Variants in NKAIN2 observed in about 807,000 individuals in gnomAD.
NKAIN2 encodes sodium/potassium-transporting ATPase subunit beta-1-interacting protein 2.
A neutral mutation model predicts 32.6 loss-of-function variants in NKAIN2; 14 were observed. That is an observed-to-expected ratio of 0.43 (90% CI 0.28 to 0.67). The LOEUF (loss-of-function observed/expected upper bound fraction) is 0.67, where lower values mean the gene tolerates loss of function less well. NKAIN2 is among the 30% of genes least tolerant of loss of function. The pLI, the probability that NKAIN2 is intolerant of heterozygous loss-of-function variation, is 0.17. For missense variants in NKAIN2, 198 were observed against 258.3 expected, an observed-to-expected ratio of 0.77 and a Z score of 1.60; for synonymous variants, 80 against 87.2, an observed-to-expected ratio of 0.92 and a Z score of 0.46.
intron 1 of NKAIN2, among the ~76,000 whole-genome samples, chr6:124,144,164 T>C (rs940566011): frequency 2.6e-5 from 4 of 152,220 alleles, no homozygotes; most frequent in Non-Finnish European, 4.4e-5. Flanking sequence ...TTTTATGAAG[T>C]TTGGTAAGCT....
intron 1 of NKAIN2, among the ~76,000 whole-genome samples, chr6:123,995,376 A>G (rs912718383): frequency 7.2e-5 from 11 of 152,220 alleles, no homozygotes; most frequent in Non-Finnish European, 1.6e-4. Flanking sequence ...TTGAACCATG[A>G]GATAAACTTG....
chr6:124,450,301 G>A (rs1776048002), intron 3 of NKAIN2, among the ~76,000 whole-genome samples: 1 of 151,920 alleles, frequency 6.6e-6, no homozygotes, highest in South Asian at 2.1e-4. Flanking sequence ...CTGTCCAATA[G>A]AAAACCTTAG....
chr6:124,339,979 C>T (rs1798052835), intron 2 of NKAIN2, among the ~76,000 whole-genome samples: 1 of 152,098 alleles, frequency 6.6e-6, no homozygotes, highest in South Asian at 2.1e-4. Flanking sequence ...CCTAGGTAAT[C>T]AGAACCAGAG....
intron 1 of NKAIN2, among the ~76,000 whole-genome samples, chr6:124,253,831 CTTTTTTT>C (rs774924597): frequency 1.1e-4 from 15 of 134,144 alleles, no homozygotes; most frequent in African/African-American, 3.3e-4. Context: ...CAATGTTCTA[CTTTTTTT>C]TTTTTTTTTT....
chr6:124,017,213 C>G (rs1235471825), intron 1 of NKAIN2, among the ~76,000 whole-genome samples: 2 of 152,086 alleles, frequency 1.3e-5, no homozygotes, highest in African/African-American at 2.4e-5. Context: ...GACTTATTCA[C>G]TGTCATGAGA....
Position 124,236,680 on chromosome 6 carries a change from G to A in NKAIN2, c.55-46325G>A, listed in dbSNP as rs544621836. The stretch of plus-strand genomic sequence containing the variant: ...ATCCAGATTCCTTGGTTTTGTCTAA[G>A]GCAACTGTATTTTAACAATCTGGTT... On this transcript the variant is annotated intron_variant, in intron 1 of 6. Coordinates refer to ENST00000368417, the MANE Select transcript of NKAIN2 (RefSeq NM_001040214.3). Among the ~76,000 whole-genome samples, 9 of 152,224 alleles carry A rather than the reference G, an allele frequency of 5.9e-5. No homozygotes were observed. In the South Asian group the frequency reaches 1.9e-3, roughly 32 times the overall value.
chr6:124,096,460 T>C (rs1159762762), intron 1 of NKAIN2, among the ~76,000 whole-genome samples: 1 of 152,196 alleles, frequency 6.6e-6, no homozygotes, highest in African/African-American at 2.4e-5. Flanking sequence ...TTCCTAATTG[T>C]TTTTAGTTAC....
intron 1 of NKAIN2, among the ~76,000 whole-genome samples, chr6:124,057,473 A>G (rs1782711573): frequency 6.6e-6 from 1 of 152,036 alleles, no homozygotes; most frequent in Admixed American, 6.6e-5. Context: ...TCTCCATTAA[A>G]AAGTATATAT....
intron 2 of NKAIN2, among the ~76,000 whole-genome samples, chr6:124,294,695 G>A (rs747253989): frequency 6.6e-6 from 1 of 151,970 alleles, no homozygotes; most frequent in East Asian, 1.9e-4. Context: ...CTTTGTGATT[G>A]CCCAGCTGAC....
chr6:124,593,402 C>T (rs1228238567), intron 3 of NKAIN2, among the ~76,000 whole-genome samples: 1 of 152,118 alleles, frequency 6.6e-6, no homozygotes, highest in Non-Finnish European at 1.5e-5. Context: ...TTAGCATATT[C>T]TGGTCTTTTC....
At chr6:123,911,812 TACACACACACACACACAC>T (rs60501930) in intron 1 of NKAIN2, among the ~76,000 whole-genome samples, 9 of 85,012 alleles carry the variant, frequency 1.1e-4, no homozygotes, top group South Asian at 4.2e-4. Context: ...TATATATATA[TACACACACACACACACAC>T]ACACACACAC....
chr6:124,532,236 C>A (rs1277031411), intron 3 of NKAIN2, among the ~76,000 whole-genome samples: 1 of 152,042 alleles, frequency 6.6e-6, no homozygotes, highest in Non-Finnish European at 1.5e-5. Flanking sequence ...GACAGACTTA[C>A]AATGTGGAGT....
At chr6:124,427,799 GAAGTCT>G (rs2114554062) in intron 3 of NKAIN2, among the ~76,000 whole-genome samples, 1 of 152,254 alleles carries the variant, frequency 6.6e-6, no homozygotes, top group South Asian at 2.1e-4. Flanking sequence ...TGATGTGATG[GAAGTCT>G]ATTTCTTCTT....
At position 124,098,667 on chromosome 6, in the gene NKAIN2, G is replaced by A. The variant is rs370746812; in HGVS notation, c.55-184338G>A. Among the ~76,000 whole-genome samples, 4 of 152,188 alleles carry A rather than the reference G, an allele frequency of 2.6e-5. 1 individual carries two copies. Among genetic ancestry groups the A allele is most frequent in the South Asian group, 4.2e-4 (2 of 4,816 alleles). Reference sequence around the variant, plus strand: ...GGGTGGATCATGAGGTCAGGAATTTGAGACCAGCCTGGCCAATATGGTGAA... The same window carrying A: ...GGGTGGATCATGAGGTCAGGAATTTAAGACCAGCCTGGCCAATATGGTGAA... On this transcript the variant is annotated intron_variant, in intron 1 of 6. Coordinates refer to ENST00000368417, the MANE Select transcript of NKAIN2 (RefSeq NM_001040214.3).
intron 3 of NKAIN2, among the ~76,000 whole-genome samples, chr6:124,552,212 A>G (rs1780314423): frequency 6.6e-6 from 1 of 152,218 alleles, no homozygotes; most frequent in Non-Finnish European, 1.5e-5. Flanking sequence ...CTGTGCTCCA[A>G]CTAAATTGTA....
rs73569261 is a variant in NKAIN2, at chr6:124,567,198, A to G, written c.274-90988A>G. ...TAAAATTCAATCCTGGATGAAACCA[A>G]TAATGTGCTTTCACCCTTCTACCTA... On this transcript the variant is annotated intron_variant, in intron 3 of 6. Coordinates refer to ENST00000368417, the MANE Select transcript of NKAIN2 (RefSeq NM_001040214.3). 2.8e-3 allele frequency among the ~76,000 whole-genome samples: 430 copies of G among 152,270 alleles called. 1 individual carries two copies. The highest frequency in any genetic ancestry group is 1.0e-2 in the African/African-American group (414 of 41,538).
chr6:123,998,781 AAT>A (rs937856433), intron 1 of NKAIN2, among the ~76,000 whole-genome samples: 7 of 142,120 alleles, frequency 4.9e-5, no homozygotes, highest in South Asian at 2.2e-4. Context: ...GTGTGTGGAA[AAT>A]ATATATATAT....
intron 4 of NKAIN2, among the ~76,000 whole-genome samples, chr6:124,670,900 C>T (rs965486275): frequency 6.6e-6 from 1 of 151,998 alleles, no homozygotes; most frequent in Non-Finnish European, 1.5e-5. Flanking sequence ...TTACCTGTGC[C>T]TGTTATTTGG....
chr6:124,669,179 G>A (rs1227416317), intron 4 of NKAIN2, among the ~76,000 whole-genome samples: 1 of 152,116 alleles, frequency 6.6e-6, no homozygotes, highest in Non-Finnish European at 1.5e-5. Context: ...CTTCATTAGA[G>A]TCTGGATTTA....
Sources: allele counts gnomAD v4.1 joint callset (sites outside exome capture counted in the v4.1 genomes callset), GRCh38; gene constraint gnomAD v4.1.1; transcripts MANE v1.5; gene names NCBI Gene and HGNC (gene_info 2026-07-23, HGNC 2026-07-21).